Variants in GRIK2 observed in about 807,000 individuals in gnomAD.
GRIK2 encodes the protein glutamate receptor ionotropic, kainate 2.
GRIK2 carries 32 observed loss-of-function variants against 100.3 expected under a neutral mutation model. That is an observed-to-expected ratio of 0.32 (90% CI 0.24 to 0.43). The LOEUF is 0.43. Ranked by LOEUF, GRIK2 falls within the 20% of genes least tolerant of loss-of-function variation. GRIK2 has a pLI of 1.00. For missense variants in GRIK2, 843 were observed against 1,114.9 expected (o/e 0.76, Z 3.47); for synonymous variants, 417 against 389.4 (o/e 1.07, Z -0.83).
chr6:102,035,524 G>A lies in GRIK2; in HGVS notation c.2269G>A (p.Gly757Ser), dbSNP rs766741369. Residue 757 changes from glycine (G) to serine (S), a missense_variant, in exon 15 of 17, where the codon GGC becomes AGC. This residue lies in a region of GRIK2 where 237 missense variants were observed against 388.0 expected (regional missense o/e 0.61). Transcript: ENST00000369134. ...QRNCNLTQIG[G>S]LIDSKGYGVG... ...GAACTGTAACCTGACACAGATTGGC[G>A]GCCTTATAGACTCTAAAGGTTATGG... The A allele has an allele frequency of 1.6e-5, 25 of 1,608,906 alleles. No individual in the cohort carries two copies. Among genetic ancestry groups the A allele is most frequent in the South Asian group, 3.3e-5 (3 of 90,954 alleles).
intron 10 of GRIK2, among the ~76,000 whole-genome samples, chr6:101,837,079 A>T (rs984157887): frequency 1.3e-5 from 2 of 152,148 alleles, no homozygotes; most frequent in African/African-American, 4.8e-5. Context: ...TTAACATGGT[A>T]ATTTCCTTTC....
At chr6:101,446,242 A>T (rs1770367945) in intron 2 of GRIK2, among the ~76,000 whole-genome samples, 1 of 151,940 alleles carries the variant, frequency 6.6e-6, no homozygotes, top group African/African-American at 2.4e-5. Flanking sequence ...GAGGCACCAA[A>T]TTAAATTGAA....
At chr6:101,747,310 T>C (rs886586905) in intron 7 of GRIK2, among the ~76,000 whole-genome samples, 1 of 152,220 alleles carries the variant, frequency 6.6e-6, no homozygotes, top group Non-Finnish European at 1.5e-5. Flanking sequence ...GCATCATTCA[T>C]ACCCACATGA....
At position 101,588,661 on chromosome 6, in the gene GRIK2, C is replaced by T. The variant is rs114059978; in HGVS notation, c.116-33288C>T. Among the ~76,000 whole-genome samples the T allele has an allele frequency of 1.4e-3, 195 of 139,742 alleles. 1 individual carries two copies. The highest frequency in any genetic ancestry group is 5.1e-3 in the African/African-American group (187 of 36,934). The allele number at this position is 139,742 out of a possible 152,430, so 91.7% of individuals were successfully genotyped here. On this transcript the variant is annotated intron_variant, in intron 2 of 16. Transcript: ENST00000369134. ...ACACAGGGAAACTGCATGACACACA[C>T]GCACACGCACACACACACACACAGA...
intron 4 of GRIK2, among the ~76,000 whole-genome samples, chr6:101,661,658 A>G (rs555603175): frequency 1.4e-3 from 208 of 152,174 alleles, no homozygotes; most frequent in African/African-American, 4.9e-3. Flanking sequence ...TGGGAAAAGC[A>G]TAGTATCTTG....
At chr6:101,494,944 A>C (rs1250823952) in intron 2 of GRIK2, among the ~76,000 whole-genome samples, 1 of 134,188 alleles carries the variant, frequency 7.5e-6, no homozygotes, top group Non-Finnish European at 1.6e-5. Context: ...AAATAAATGA[A>C]ATAAAAAGTA....
At chr6:101,419,340 G>C (rs1776303664) in intron 2 of GRIK2, among the ~76,000 whole-genome samples, 1 of 152,078 alleles carries the variant, frequency 6.6e-6, no homozygotes, top group South Asian at 2.1e-4. Context: ...CAATAATTAA[G>C]AGCTCATTCA....
chr6:101,842,263 ACTT>A lies in GRIK2; in HGVS notation c.1318-17018_1318-17016del, dbSNP rs1177014883. 2.6e-5 allele frequency among the ~76,000 whole-genome samples: 4 copies of A among 151,930 alleles called. No individual in the cohort carries two copies. In the East Asian group the frequency reaches 5.8e-4, roughly 22 times the overall value. ...TCTTCTTCAGGCCATGTGTTGGTGA[ACTT>A]CTTCTCTATATCCTCTCTCAATTCA... On this transcript the variant is annotated intron_variant, in intron 10 of 16. Transcript: ENST00000369134.
At chr6:101,683,297 G>C (rs1771426639) in intron 6 of GRIK2, among the ~76,000 whole-genome samples, 1 of 152,056 alleles carries the variant, frequency 6.6e-6, no homozygotes, top group Admixed American at 6.6e-5. Flanking sequence ...TATTGAAGCT[G>C]TCCTTTCAGT....
chr6:102,057,445 C>T (rs921778889), intron 16 of GRIK2, among the ~76,000 whole-genome samples: 2 of 151,798 alleles, frequency 1.3e-5, no homozygotes, highest in African/African-American at 2.4e-5. Context: ...ATTACGAACA[C>T]GTTTAGTTGA....
At position 101,606,987 on chromosome 6, in the gene GRIK2, C is replaced by A. The variant is rs374207369; in HGVS notation, c.116-14962C>A. On this transcript the variant is annotated intron_variant, in intron 2 of 16. Transcript: ENST00000369134. ...AAGAAAAACAAATGGTGCTTTTACTCAAATTAGGAATATGAGATATTTGTT... is the reference window on the plus strand; with the variant it reads ...AAGAAAAACAAATGGTGCTTTTACTAAAATTAGGAATATGAGATATTTGTT... Among the ~76,000 whole-genome samples the A allele has an allele frequency of 9.2e-5, 14 of 152,044 alleles. No individual in the cohort carries two copies. The East Asian group carries it at 2.5e-3, about 27-fold the overall frequency.
At chr6:101,676,890 T>C in intron 5 of GRIK2, 86 bp downstream of exon 5, 4 of 750,974 alleles carry the variant, frequency 5.3e-6, no homozygotes, top group Non-Finnish European at 8.7e-6. Context: ...ATATTATTGT[T>C]ATGCAATCAG....
intron 7 of GRIK2, among the ~76,000 whole-genome samples, chr6:101,703,490 C>G (rs917927282): frequency 6.6e-6 from 1 of 151,728 alleles, no homozygotes; most frequent in African/African-American, 2.4e-5. Flanking sequence ...TTGTTAGCGA[C>G]CTCAATACTA....
chr6:101,509,688 G>A (rs1178013084), intron 2 of GRIK2, among the ~76,000 whole-genome samples: 1 of 152,110 alleles, frequency 6.6e-6, no homozygotes, highest in African/African-American at 2.4e-5. Flanking sequence ...TTGTTATTTA[G>A]TTCAGAGTCT....
chr6:101,678,625 G>C (rs544235538), intron 5 of GRIK2, among the ~76,000 whole-genome samples: 10 of 152,114 alleles, frequency 6.6e-5, no homozygotes, highest in Non-Finnish European at 1.5e-4. Flanking sequence ...AAATTCAGCA[G>C]TGCATTTAAT....
At chr6:101,919,713 C>A (rs1046013497) in intron 12 of GRIK2, among the ~76,000 whole-genome samples, 2 of 151,530 alleles carry the variant, frequency 1.3e-5, no homozygotes, top group Non-Finnish European at 3.0e-5. Flanking sequence ...GTTAGTGGGG[C>A]AGAGAGTGAG....
chr6:101,859,501 C>A lies in GRIK2; in HGVS notation c.1524+8C>A, dbSNP rs1407524759. The A allele has an allele frequency of 6.8e-7, 1 of 1,467,158 alleles. No homozygotes were observed. The highest frequency in any genetic ancestry group is 2.3e-5 in the East Asian group (1 of 44,136). The allele number at this position is 1,467,158 out of a possible 1,614,324, so 90.9% of individuals were successfully genotyped here. On this transcript the variant is annotated splice_region_variant and intron_variant, in intron 11 of 16. Transcript: ENST00000369134. ...CGTGAACTAATTGATCATGTAAGTC[C>A]CTTCCCTCATGATTTATTAGTTTGT...
At chr6:101,833,159 T>C (rs552131420) in intron 10 of GRIK2, among the ~76,000 whole-genome samples, 2 of 137,704 alleles carry the variant, frequency 1.5e-5, no homozygotes, top group Non-Finnish European at 3.0e-5. Context: ...CAATTAATTG[T>C]TCATTAATTA....
At chr6:101,417,271 G>A (rs1266952956) in intron 2 of GRIK2, among the ~76,000 whole-genome samples, 2 of 152,146 alleles carry the variant, frequency 1.3e-5, no homozygotes, top group Non-Finnish European at 2.9e-5. Context: ...AACATGTGGG[G>A]ATTAGGGGAG....
Sources: allele counts gnomAD v4.1 joint callset (sites outside exome capture counted in the v4.1 genomes callset), GRCh38; gene constraint gnomAD v4.1.1; regional missense constraint gnomAD v4.1.1; transcripts MANE v1.5; gene names NCBI Gene and HGNC (gene_info 2026-07-23, HGNC 2026-07-21).